The following CAMK4 variants were observed in gnomAD, a reference collection of about 807,000 sequenced individuals.
The protein encoded by CAMK4 is calcium/calmodulin dependent protein kinase IV, also known as calcium/calmodulin-dependent protein kinase type IV.
In CAMK4, 22 loss-of-function variants were observed where a neutral mutation model predicts 44.9. That is an observed-to-expected ratio of 0.49 (90% CI 0.35 to 0.70). CAMK4 has a LOEUF of 0.70. Among genes scored for constraint, CAMK4 ranks in the 30% least tolerant of loss-of-function variants. The pLI is 0.01. For synonymous variants in CAMK4, 218 were observed against 215.4 expected (o/e 1.01, Z -0.11); for missense variants, 498 against 586.8 (o/e 0.85, Z 1.56).
At chr5:111,376,226 G>A (rs1751207089) in intron 3 of CAMK4, among the ~76,000 whole-genome samples, 1 of 151,742 alleles carries the variant, frequency 6.6e-6, no homozygotes. Flanking sequence ...CTCAAGTGTA[G>A]ACTAGTCCTG....
intron 1 of CAMK4, among the ~76,000 whole-genome samples, chr5:111,244,724 G>T (rs541849689): frequency 3.9e-5 from 6 of 152,224 alleles, no homozygotes; most frequent in Non-Finnish European, 4.4e-5. Context: ...AGCCGGGCAT[G>T]GTGGTGCGTG....
chr5:111,277,625 T>G (rs1750822605), intron 1 of CAMK4: 1 of 152,194 alleles, frequency 6.6e-6, no homozygotes, highest in Non-Finnish European at 1.5e-5. Context: ...ACCAATATAG[T>G]TTTTAGATGT....
chr5:111,374,438 G>A (rs1751132963), intron 2 of CAMK4, among the ~76,000 whole-genome samples: 1 of 152,096 alleles, frequency 6.6e-6, no homozygotes, highest in African/African-American at 2.4e-5. Context: ...TGTTGGGTAG[G>A]TTGGGTTTTG....
At chr5:111,265,645 A>G (rs1750207555) in intron 1 of CAMK4, among the ~76,000 whole-genome samples, 1 of 152,202 alleles carries the variant, frequency 6.6e-6, no homozygotes, top group African/African-American at 2.4e-5. Flanking sequence ...ATATTTACCC[A>G]ATCTTCAAGG....
At chr5:111,461,884 T>C (rs1278302276) in intron 7 of CAMK4, among the ~76,000 whole-genome samples, 1 of 148,394 alleles carries the variant, frequency 6.7e-6, no homozygotes, top group Admixed American at 6.7e-5. Context: ...TTCTGGAAAG[T>C]CAGGTTCAGG....
At chr5:111,416,014 G>T (rs75654403) in intron 5 of CAMK4, among the ~76,000 whole-genome samples, 2 of 152,128 alleles carry the variant, frequency 1.3e-5, no homozygotes, top group African/African-American at 2.4e-5. Context: ...GTTGGTGTCT[G>T]TGTGGGCCTT....
intron 1 of CAMK4, among the ~76,000 whole-genome samples, chr5:111,292,256 A>C (rs1005296252): frequency 6.6e-6 from 1 of 152,230 alleles, no homozygotes; most frequent in Admixed American, 6.5e-5. Flanking sequence ...GGCTTTCAGC[A>C]ACATTCTATA....
At chr5:111,461,987 T>A (rs1478304610) in intron 7 of CAMK4, among the ~76,000 whole-genome samples, 2 of 152,150 alleles carry the variant, frequency 1.3e-5, no homozygotes, top group African/African-American at 4.8e-5. Flanking sequence ...ACCCCTGACC[T>A]ACTGGATCTT....
In CAMK4 at chr5:111,260,214, G is replaced by A. The variant is rs190160759; in HGVS notation, c.161+35570G>A. Among the ~76,000 whole-genome samples, 148 of 152,180 alleles carry A rather than the reference G, an allele frequency of 9.7e-4. 1 individual carries two copies. Among genetic ancestry groups the A allele is most frequent in the African/African-American group, 3.5e-3 (144 of 41,528 alleles). On this transcript the variant is annotated intron_variant, in intron 1 of 10. Transcript: ENST00000282356. ...GGTCAATCTTGATTCTGTCTCATCAGGTCACTAAAGCTGCTAACAGTAAGA... is the reference window on the plus strand; with the variant it reads ...GGTCAATCTTGATTCTGTCTCATCAAGTCACTAAAGCTGCTAACAGTAAGA...
chr5:111,455,502 G>A (rs1359429039), intron 7 of CAMK4, among the ~76,000 whole-genome samples: 1 of 152,192 alleles, frequency 6.6e-6, no homozygotes, highest in Non-Finnish European at 1.5e-5. Flanking sequence ...AGGTAAAAGA[G>A]AGAGTCCCTC....
intron 5 of CAMK4, among the ~76,000 whole-genome samples, chr5:111,399,389 G>A (rs1473877843): frequency 6.6e-6 from 1 of 152,028 alleles, no homozygotes; most frequent in Non-Finnish European, 1.5e-5. Context: ...ACCTCTCCAA[G>A]CCATCTTAGT....
chr5:111,231,106 G>A (rs1276867133), intron 1 of CAMK4, among the ~76,000 whole-genome samples: 3 of 152,194 alleles, frequency 2.0e-5, no homozygotes, highest in Admixed American at 2.0e-4. Flanking sequence ...TAATTAGGAA[G>A]TTAGGTCTAA....
chr5:111,460,697 T>A (rs1754614386), intron 7 of CAMK4, among the ~76,000 whole-genome samples: 1 of 152,206 alleles, frequency 6.6e-6, no homozygotes, highest in Non-Finnish European at 1.5e-5. Flanking sequence ...TTTCAACAGT[T>A]AATACCACTT....
chr5:111,269,798 G>C (rs1057287259), intron 1 of CAMK4, among the ~76,000 whole-genome samples: 1 of 152,166 alleles, frequency 6.6e-6, no homozygotes, highest in African/African-American at 2.4e-5. Flanking sequence ...TGGGTCTGCT[G>C]TTTGGCATAC....
At chr5:111,448,038 C>A (rs1209351740) in intron 6 of CAMK4, among the ~76,000 whole-genome samples, 3 of 152,194 alleles carry the variant, frequency 2.0e-5, no homozygotes, top group African/African-American at 7.2e-5. Context: ...GGATCAGGCA[C>A]CTGCCAGGAA....
intron 9 of CAMK4, among the ~76,000 whole-genome samples, chr5:111,480,148 T>C (rs10056617): frequency 0.014 from 2,080 of 152,068 alleles, 45 homozygotes; most frequent in African/African-American, 0.048. Flanking sequence ...ACCACACTTC[T>C]AGTTTCTCAT....
intron 1 of CAMK4, among the ~76,000 whole-genome samples, chr5:111,308,737 C>T (rs968559477): frequency 5.3e-5 from 8 of 152,080 alleles, no homozygotes; most frequent in African/African-American, 1.4e-4. Flanking sequence ...AGCTTATTAC[C>T]GGAGCTTTAG....
intron 5 of CAMK4, among the ~76,000 whole-genome samples, chr5:111,409,910 G>A (rs906332378): frequency 1.3e-5 from 2 of 152,076 alleles, no homozygotes; most frequent in South Asian, 2.1e-4. Flanking sequence ...CAACATTTTA[G>A]TCAAAGCAAT....
rs999841849 is a variant in CAMK4, at chr5:111,235,229, C to G, written c.161+10585C>G. ...CAAAGTTGTTCTTTAGTTGCGAAAA[C>G]TGCTCTAAGATTAGTGTTTACCTGG... On this transcript the variant is annotated intron_variant, in intron 1 of 10. Transcript: ENST00000282356. 5.3e-5 allele frequency among the ~76,000 whole-genome samples: 8 copies of G among 152,246 alleles called. No individual in the cohort carries two copies. The East Asian group carries it at 1.5e-3, about 29-fold the overall frequency.
Sources: allele counts gnomAD v4.1 joint callset (sites outside exome capture counted in the v4.1 genomes callset), GRCh38; gene constraint gnomAD v4.1.1; transcripts MANE v1.5; gene names NCBI Gene and HGNC (gene_info 2026-07-23, HGNC 2026-07-21).